ARIH1: variants seen among roughly 807,000 people sequenced by gnomAD.
The protein encoded by ARIH1 is ariadne RBR E3 ubiquitin protein ligase 1.
In ARIH1, 8 loss-of-function variants were observed where a neutral mutation model predicts 85.0. That is an observed-to-expected ratio of 0.09 (90% confidence interval 0.06 to 0.17). The LOEUF is 0.17. Among genes scored for constraint, ARIH1 ranks in the 10% least tolerant of loss-of-function variants. The probability of loss-of-function intolerance (pLI) is 1.00; values close to 1 mark genes in which losing one functional copy is unlikely to be tolerated. For synonymous variants in ARIH1, 238 were observed against 253.6 expected (o/e 0.94, Z 0.59); for missense variants, 311 against 718.1 (o/e 0.43, Z 6.48).
chr15:72,530,386 G>A (rs751366671), intron 2 of ARIH1, among the ~76,000 whole-genome samples: 2 of 152,124 alleles, frequency 1.3e-5, no homozygotes, highest in Non-Finnish European at 2.9e-5. Context: ...TTTGCCCTTT[G>A]TTAGTAGAGG....
At position 72,584,643 on chromosome 15, in the gene ARIH1, A is replaced by G. The variant is rs1455801988; in HGVS notation, c.*1351A>G. The G allele has an allele frequency of 6.6e-6, 1 of 152,002 alleles. No individual in the cohort carries two copies. The highest frequency in any genetic ancestry group is 1.5e-5 in the Non-Finnish European group (1 of 68,008). 9.4% of individuals were successfully genotyped at this position (152,002 alleles called of 1,614,324 possible). ...TGAAGGCAAACACCCCTAGAACATGATATTCCCATCTAGTGCATTTAAATA... is the reference window on the plus strand; with the variant it reads ...TGAAGGCAAACACCCCTAGAACATGGTATTCCCATCTAGTGCATTTAAATA... On this transcript the variant is annotated 3_prime_UTR_variant, in exon 14 of 14. Coordinates refer to ENST00000379887, the MANE Select transcript of ARIH1 (RefSeq NM_005744.5).
chr15:72,542,258 A>G (rs2064110642), intron 2 of ARIH1, among the ~76,000 whole-genome samples: 1 of 152,256 alleles, frequency 6.6e-6, no homozygotes, highest in Non-Finnish European at 1.5e-5. Context: ...GAGTAGCACG[A>G]TAAATGTGCC....
Position 72,544,844 on chromosome 15 carries a change from G to A in ARIH1, c.468G>A (p.Lys156=). Residue 156 remains lysine, a synonymous_variant, in exon 3 of 14, where the codon AAG becomes AAA. Coordinates refer to ENST00000379887, the MANE Select transcript of ARIH1 (RefSeq NM_005744.5). ...MERYFDGNLE[K]LFAECHVINP... is the part of the protein sequence containing the mutation. ...GGTACTTTGATGGAAACCTGGAGAA[G>A]CTCTTTGCTGAGTGTCATGTAATTA... 6.2e-7 allele frequency: 1 copy of A among 1,613,044 alleles called. No homozygotes were observed. Among genetic ancestry groups the A allele is most frequent in the Non-Finnish European group, 8.5e-7 (1 of 1,179,304 alleles).
At chr15:72,505,035 C>T (rs748203280) in intron 1 of ARIH1, among the ~76,000 whole-genome samples, 1 of 152,030 alleles carries the variant, frequency 6.6e-6, no homozygotes, top group Non-Finnish European at 1.5e-5. Flanking sequence ...GAAATGAAAC[C>T]ATTTACAGTT....
At chr15:72,518,024 G>A (rs752717396) in intron 1 of ARIH1, 43 bp from the exon 2 acceptor site, 84 of 1,450,294 alleles carry the variant, frequency 5.8e-5, no homozygotes, top group African/African-American at 2.8e-5. Flanking sequence ...TGTCCATGAA[G>A]TGCTATTACC....
At chr15:72,495,535 G>A (rs1317015994) in intron 1 of ARIH1, among the ~76,000 whole-genome samples, 1 of 152,094 alleles carries the variant, frequency 6.6e-6, no homozygotes, top group Non-Finnish European at 1.5e-5. Flanking sequence ...TATACAAATG[G>A]TTAGATCTCC....
intron 2 of ARIH1, among the ~76,000 whole-genome samples, chr15:72,525,305 T>C (rs1292693652): frequency 6.6e-6 from 1 of 152,234 alleles, no homozygotes; most frequent in African/African-American, 2.4e-5. Context: ...ATAATCATAA[T>C]AAATGTCAGT....
At chr15:72,532,889 A>G (rs2140418307) in intron 2 of ARIH1, among the ~76,000 whole-genome samples, 1 of 152,348 alleles carries the variant, frequency 6.6e-6, no homozygotes, top group East Asian at 1.9e-4. Flanking sequence ...TGATTTTAAA[A>G]AGAAGCTATT....
chr15:72,546,078 G>A (rs757332123), intron 3 of ARIH1, among the ~76,000 whole-genome samples: 1 of 152,128 alleles, frequency 6.6e-6, no homozygotes, highest in African/African-American at 2.4e-5. Context: ...ACCCAGGCTG[G>A]AGTGTTATGG....
chr15:72,555,172 A>T, intron 3 of ARIH1, 99 bp from the exon 4 acceptor site: 1 of 814,856 alleles, frequency 1.2e-6, no homozygotes, highest in Non-Finnish European at 2.0e-6. Context: ...CATTTTAGCC[A>T]CGTAAGAAAT....
intron 12 of ARIH1, chr15:72,581,335 G>A (rs1219782368): frequency 5.1e-6 from 1 of 194,466 alleles, no homozygotes; most frequent in African/African-American, 2.3e-5. Context: ...GTTGTTATGA[G>A]GTTTAAGTGA....
At chr15:72,497,439 T>TA (rs2063884473) in intron 1 of ARIH1, among the ~76,000 whole-genome samples, 1 of 137,254 alleles carries the variant, frequency 7.3e-6, no homozygotes, top group African/African-American at 2.5e-5. Flanking sequence ...TGATAGCAGT[T>TA]ATAATAGCAA....
chr15:72,582,841 A>G lies in ARIH1; in HGVS notation c.1590-367A>G, dbSNP rs2064300182. Among the ~76,000 whole-genome samples the G allele has an allele frequency of 2.6e-5, 4 of 152,104 alleles. No individual in the cohort carries two copies. The South Asian group carries it at 8.3e-4, about 31-fold the overall frequency. Reference sequence around the variant, plus strand: ...TTAGCTACCATATTTTGTTTACAGTACTTTTACAGTTGACAGAGATTTTAA... The same window carrying G: ...TTAGCTACCATATTTTGTTTACAGTGCTTTTACAGTTGACAGAGATTTTAA... On this transcript the variant is annotated intron_variant, in intron 13 of 13. Coordinates refer to ENST00000379887, the MANE Select transcript of ARIH1 (RefSeq NM_005744.5). This position sits in a 1 kb window ranked among gnomAD's most constrained non-coding sequence, Gnocchi z 4.6.
intron 1 of ARIH1, among the ~76,000 whole-genome samples, chr15:72,485,090 A>G (rs1364512044): frequency 1.3e-5 from 2 of 152,124 alleles, no homozygotes; most frequent in Non-Finnish European, 2.9e-5. Context: ...GACAACATCT[A>G]TTATTTTTTA....
intron 1 of ARIH1, among the ~76,000 whole-genome samples, chr15:72,493,340 A>G (rs779666545): frequency 6.6e-6 from 1 of 152,188 alleles, no homozygotes; most frequent in South Asian, 2.1e-4. Flanking sequence ...ATTGTTGATT[A>G]GAAAGATTAT....
Position 72,523,675 on chromosome 15 carries a change from A to G in ARIH1, c.443+5541A>G, listed in dbSNP as rs58410591. Among the ~76,000 whole-genome samples the G allele has an allele frequency of 4.5e-3, 683 of 152,264 alleles. 7 individuals carry two copies. Among genetic ancestry groups the G allele is most frequent in the African/African-American group, 0.016 (654 of 41,540 alleles). ...GACTTTGGGTAACAACGGTGTGTCA[A>G]TGTAGGTTCATTGAATGTACCACTC... On this transcript the variant is annotated intron_variant, in intron 2 of 13. Coordinates refer to ENST00000379887, the MANE Select transcript of ARIH1 (RefSeq NM_005744.5).
intron 1 of ARIH1, among the ~76,000 whole-genome samples, chr15:72,486,694 C>CTTATT (rs2063838817): frequency 1.1e-5 from 1 of 92,850 alleles, no homozygotes; most frequent in Non-Finnish European, 1.9e-5. Context: ...TTAAAAATGA[C>CTTATT]TTTTTTTTTT....
chr15:72,569,903 C>A (rs1304398880), intron 9 of ARIH1, among the ~76,000 whole-genome samples: 1 of 152,124 alleles, frequency 6.6e-6, no homozygotes, highest in Non-Finnish European at 1.5e-5. Context: ...ATAGCCACTG[C>A]ACTACAGCCT....
intron 2 of ARIH1, among the ~76,000 whole-genome samples, chr15:72,531,349 C>G (rs776360645): frequency 6.6e-6 from 1 of 152,114 alleles, no homozygotes. Context: ...CTCAGTGCAG[C>G]TTGCACCTCC....
Sources: allele counts gnomAD v4.1 joint callset (sites outside exome capture counted in the v4.1 genomes callset), GRCh38; gene constraint gnomAD v4.1.1; non-coding constraint Gnocchi (gnomAD v3.1); transcripts MANE v1.5; gene names NCBI Gene and HGNC (gene_info 2026-07-23, HGNC 2026-07-21).